Variants in CCDC7 observed in about 807,000 individuals in gnomAD.
The protein encoded by CCDC7 is coiled-coil domain containing 7.
A neutral mutation model predicts 196.9 loss-of-function variants in CCDC7; 183 were observed. That is an observed-to-expected ratio of 0.93 (90% confidence interval 0.82 to 1.05). The LOEUF is 1.05. Ranked by LOEUF, CCDC7 falls within the 50% of genes least tolerant of loss-of-function variation. The pLI, the probability that CCDC7 is intolerant of heterozygous loss-of-function variation, is 0.00. For missense variants in CCDC7, 1,540 were observed against 1,482.2 expected, an observed-to-expected ratio of 1.04 and a Z score of -0.64; for synonymous variants, 525 against 484.6, an observed-to-expected ratio of 1.08 and a Z score of -1.10.
exon 39 of CCDC7, chr10:32,848,688 G>A: frequency 6.4e-7 from 1 of 1,551,522 alleles, no homozygotes. Context: ...CCCAACAAAA[G>A]TGATCAATTT....
intron 24 of CCDC7, among the ~76,000 whole-genome samples, chr10:32,704,163 G>C (rs1476933408): frequency 6.6e-6 from 1 of 152,060 alleles, no homozygotes; most frequent in Non-Finnish European, 1.5e-5. Context: ...GGTATTTGAG[G>C]ATGGCGACGT....
chr10:32,690,294 G>A (rs932061419), intron 23 of CCDC7, among the ~76,000 whole-genome samples: 1 of 152,116 alleles, frequency 6.6e-6, no homozygotes, highest in African/African-American at 2.4e-5. Flanking sequence ...TTGGGAGCAG[G>A]CCATTTAGAG....
At chr10:32,601,014 T>C (rs1196874706) in intron 18 of CCDC7, among the ~76,000 whole-genome samples, 1 of 152,184 alleles carries the variant, frequency 6.6e-6, no homozygotes, top group East Asian at 1.9e-4. Flanking sequence ...TTTCTTTTAG[T>C]ACCTTAAGTG....
chr10:32,500,391 C>T (rs530790794), intron 9 of CCDC7, among the ~76,000 whole-genome samples: 11 of 150,452 alleles, frequency 7.3e-5, no homozygotes, highest in Admixed American at 2.6e-4. Context: ...GGCAGAGACA[C>T]TCCTCAGATC....
At chr10:32,840,710 C>G (rs2092919692) in intron 33 of CCDC7, among the ~76,000 whole-genome samples, 1 of 151,826 alleles carries the variant, frequency 6.6e-6, no homozygotes, top group Non-Finnish European at 1.5e-5. Context: ...AAAAAGAAAA[C>G]TACAGACCAA....
intron 33 of CCDC7, among the ~76,000 whole-genome samples, chr10:32,836,786 G>C (rs1312439568): frequency 2.0e-5 from 3 of 152,022 alleles, no homozygotes; most frequent in Non-Finnish European, 4.4e-5. Flanking sequence ...TGTTTACTCT[G>C]TTAGACTTGG....
intron 28 of CCDC7, 108 bp downstream of exon 29, chr10:32,729,565 T>TTCC: frequency 2.0e-6 from 1 of 496,186 alleles, no homozygotes; most frequent in South Asian, 4.3e-5. Flanking sequence ...TGCTAATTAT[T>TTCC]TCCATCACAC....
At chr10:32,473,156 A>G (rs1386337545) in intron 7 of CCDC7, among the ~76,000 whole-genome samples, 3 of 152,206 alleles carry the variant, frequency 2.0e-5, no homozygotes, top group Non-Finnish European at 4.4e-5. Flanking sequence ...ATTATCTAGC[A>G]TGTTAGTACA....
At chr10:32,511,337 T>C (rs937454553) in intron 9 of CCDC7, 4 of 1,601,896 alleles carry the variant, frequency 2.5e-6, no homozygotes, top group South Asian at 2.2e-5. Context: ...TTTTCCTTTA[T>C]TGGCAACTTT....
intron 24 of CCDC7, among the ~76,000 whole-genome samples, chr10:32,706,125 G>C (rs2079698938): frequency 6.6e-6 from 1 of 152,114 alleles, no homozygotes; most frequent in Non-Finnish European, 1.5e-5. Context: ...CTGTCTCTCA[G>C]ACCACAGTGC....
chr10:32,530,134 C>A (rs904835150), intron 11 of CCDC7, among the ~76,000 whole-genome samples: 4 of 152,044 alleles, frequency 2.6e-5, no homozygotes, highest in African/African-American at 9.7e-5. Flanking sequence ...GTCTATATGC[C>A]TGTTTTTATA....
chr10:32,539,078 G>A (rs192312573), intron 11 of CCDC7, among the ~76,000 whole-genome samples: 62 of 152,140 alleles, frequency 4.1e-4, no homozygotes, highest in African/African-American at 1.4e-3. Flanking sequence ...TCATTTAGTA[G>A]GAATGGCACC....
intron 11 of CCDC7, among the ~76,000 whole-genome samples, chr10:32,519,743 T>G (rs2047593883): frequency 1.3e-5 from 2 of 152,102 alleles, no homozygotes; most frequent in African/African-American, 4.8e-5. Flanking sequence ...TTATACTTTT[T>G]TAGTTATTCT....
chr10:32,474,331 C>G (rs1307601374), intron 8 of CCDC7, among the ~76,000 whole-genome samples: 1 of 142,832 alleles, frequency 7.0e-6, no homozygotes, highest in African/African-American at 2.6e-5. Flanking sequence ...TCAAGTGATT[C>G]TCGTCCCTCA....
intron 8 of CCDC7, among the ~76,000 whole-genome samples, chr10:32,480,442 C>T (rs1038767403): frequency 6.6e-6 from 1 of 152,096 alleles, no homozygotes; most frequent in African/African-American, 2.4e-5. Flanking sequence ...CTCACTTAGC[C>T]TCCTTAGTAG....
chr10:32,700,911 C>G (rs2078602015), intron 24 of CCDC7, among the ~76,000 whole-genome samples: 1 of 152,144 alleles, frequency 6.6e-6, no homozygotes, highest in Non-Finnish European at 1.5e-5. Flanking sequence ...ATTTTGTGTC[C>G]TGAGACTTTG....
intron 8 of CCDC7, among the ~76,000 whole-genome samples, chr10:32,476,569 A>C (rs1054975257): frequency 1.0e-4 from 15 of 150,624 alleles, no homozygotes; most frequent in African/African-American, 3.4e-4. Context: ...TCAATTGGGT[A>C]AACACAAAGG....
At chr10:32,590,576 G>A (rs2059692744) in intron 18 of CCDC7, among the ~76,000 whole-genome samples, 1 of 151,990 alleles carries the variant, frequency 6.6e-6, no homozygotes, top group East Asian at 1.9e-4. Context: ...CTACCTGTGA[G>A]TTTTATACCT....
intron 9 of CCDC7, among the ~76,000 whole-genome samples, chr10:32,497,846 G>A (rs188808888): frequency 1.3e-5 from 2 of 152,318 alleles, no homozygotes; most frequent in Admixed American, 6.5e-5. Context: ...GTGCAATGTG[G>A]TGTTGAGAAG....
Sources: allele counts gnomAD v4.1 joint callset (sites outside exome capture counted in the v4.1 genomes callset), GRCh38; gene constraint gnomAD v4.1.1; transcripts MANE v1.5; gene names NCBI Gene and HGNC (gene_info 2026-07-23, HGNC 2026-07-21).